The following AFF2 variants were observed in gnomAD, a reference collection of about 807,000 sequenced individuals.
The protein encoded by AFF2 is AF4/FMR2 family member 2.
A neutral mutation model predicts 76.9 loss-of-function variants in AFF2; 14 were observed. The ratio of observed to expected loss-of-function variants is 0.18; its 90% CI spans 0.12 to 0.28. AFF2 has a LOEUF of 0.28. Ranked by LOEUF, AFF2 falls within the 10% of genes least tolerant of loss-of-function variation. The pLI, the probability that AFF2 is intolerant of heterozygous loss-of-function variation, is 1.00. For missense variants in AFF2, 868 were observed against 1,001.1 expected, an observed-to-expected ratio of 0.87 and a Z score of 1.79; for synonymous variants, 398 against 366.7, an observed-to-expected ratio of 1.09 and a Z score of -0.98.
intron 2 of AFF2, among the ~76,000 whole-genome samples, chrX:148,656,010 C>A (rs1351585892): frequency 8.9e-6 from 1 of 112,070 alleles, no homozygotes; most frequent in Non-Finnish European, 1.9e-5. Context: ...TGTCCAATAG[C>A]GCCAGTGGTT....
intron 3 of AFF2, among the ~76,000 whole-genome samples, chrX:148,681,630 A>AAAGAG (rs1346604220): frequency 4.7e-5 from 5 of 106,570 alleles, no homozygotes; most frequent in Non-Finnish European, 9.6e-5. Context: ...AGAAAGAAAG[A>AAAGAG]AAGAGAAGAG....
intron 9 of AFF2, among the ~76,000 whole-genome samples, chrX:148,918,171 A>G (rs906328575): frequency 2.7e-5 from 3 of 112,480 alleles, no homozygotes; most frequent in Non-Finnish European, 3.8e-5. Context: ...TCATTCAGGC[A>G]GCACATTCAT....
At chrX:148,537,751 G>A (rs12834456) in intron 1 of AFF2, among the ~76,000 whole-genome samples, 5 of 110,725 alleles carry the variant, frequency 4.5e-5, no homozygotes, top group East Asian at 2.8e-4. Context: ...GAGCTGCTTC[G>A]TTTTGGGAGG....
chrX:148,953,464 C>T lies in AFF2; in HGVS notation c.1398-116C>T, dbSNP rs142726318. The T allele has an allele frequency of 5.8e-4, 478 of 819,274 alleles. 4 individuals are homozygous for T. The African/African-American group carries it at 8.2e-3, about 14-fold the overall frequency. The allele number at this position is 819,274 out of a possible 1,213,427, so 67.5% of individuals were successfully genotyped here. On this transcript the variant is annotated intron_variant, in intron 9 of 20. Transcript: ENST00000370460. ...ACGTTTCCTATCTATAAAATGGGAA[C>T]GGTAAACCCCACTCTACCTGCATTT...
intron 3 of AFF2, among the ~76,000 whole-genome samples, chrX:148,778,558 A>G (rs1233984816): frequency 2.7e-5 from 3 of 111,224 alleles, no homozygotes; most frequent in African/African-American, 6.5e-5. Context: ...TTATTGGTCT[A>G]TTCAGGGATT....
intron 3 of AFF2, among the ~76,000 whole-genome samples, chrX:148,744,148 C>T (rs1557265919): frequency 9.0e-6 from 1 of 110,555 alleles, no homozygotes. Context: ...ATACCTTCTA[C>T]CTCATCTCAT....
intron 3 of AFF2, among the ~76,000 whole-genome samples, chrX:148,764,680 T>C (rs1385779789): frequency 1.8e-5 from 2 of 112,314 alleles, no homozygotes; most frequent in Non-Finnish European, 3.8e-5. Context: ...ACATGCCTTA[T>C]AAAAATACAG....
chrX:148,672,827 CTT>C (rs2054439276), intron 3 of AFF2, among the ~76,000 whole-genome samples: 2 of 111,363 alleles, frequency 1.8e-5, no homozygotes, highest in African/African-American at 6.5e-5. Context: ...AGTGGGATGA[CTT>C]TATCAGAAAT....
At chrX:148,553,461 G>T (rs1054493783) in intron 1 of AFF2, among the ~76,000 whole-genome samples, 2 of 111,742 alleles carry the variant, frequency 1.8e-5, no homozygotes. Flanking sequence ...ATATTTTATA[G>T]TTACAACACA....
At chrX:148,713,391 G>A (rs1364144759) in intron 3 of AFF2, among the ~76,000 whole-genome samples, 1 of 111,601 alleles carries the variant, frequency 9.0e-6, no homozygotes, top group African/African-American at 3.3e-5. Context: ...TTCTCTTGAT[G>A]TGATATAGTA....
intron 9 of AFF2, among the ~76,000 whole-genome samples, chrX:148,950,293 A>T (rs1265302197): frequency 8.9e-6 from 1 of 112,300 alleles, no homozygotes; most frequent in Admixed American, 9.4e-5. Context: ...ATTCCTTAGC[A>T]GACTGGCTGC....
rs2055064678 is a variant in AFF2, at chrX:148,719,295, C to T, written c.1041+56527C>T. 54 of 857,974 alleles carry T rather than the reference C, an allele frequency of 6.3e-5. No homozygotes were observed. The South Asian group carries it at 1.2e-3, about 19-fold the overall frequency. The allele number at this position is 857,974 out of a possible 1,213,427, so 70.7% of individuals were successfully genotyped here. A position where few individuals can be genotyped will look rare whatever the true frequency, so the allele number is the denominator to read the frequency against. On this transcript the variant is annotated intron_variant, in intron 3 of 20. Transcript: ENST00000370460. ...GCCAAAGGCTTAACAAGTAGCTTTT[C>T]TCTCTCTTTACAAATGAGTCCTGAT...
At chrX:148,716,925 A>G (rs1260830191) in intron 3 of AFF2, among the ~76,000 whole-genome samples, 5 of 112,067 alleles carry the variant, frequency 4.5e-5, no homozygotes, top group African/African-American at 1.6e-4. Context: ...CAGATAATAA[A>G]TGATAAGCAC....
chrX:148,906,599 A>T (rs1569556885), intron 9 of AFF2, among the ~76,000 whole-genome samples: 1 of 112,171 alleles, frequency 8.9e-6, no homozygotes, highest in Non-Finnish European at 1.9e-5. Flanking sequence ...CTGAGAGCAC[A>T]GGGGGAGGGA....
At chrX:148,967,174 A>G in intron 14 of AFF2, 95 bp downstream of exon 14, 1 of 1,135,637 alleles carries the variant, frequency 8.8e-7, no homozygotes, top group African/African-American at 1.8e-5. Flanking sequence ...GTCACCCCAA[A>G]TAAGACCTCA....
intron 1 of AFF2, among the ~76,000 whole-genome samples, chrX:148,530,208 C>T (rs1483335343): frequency 9.0e-6 from 1 of 111,461 alleles, no homozygotes; most frequent in African/African-American, 3.3e-5. Context: ...AATGTTATAT[C>T]GCTACTGTTA....
chrX:148,990,656 A>C (rs1378457474), intron 20 of AFF2, among the ~76,000 whole-genome samples: 5 of 111,742 alleles, frequency 4.5e-5, no homozygotes, highest in Non-Finnish European at 9.4e-5. Flanking sequence ...AGTGACAGAT[A>C]CTTGCAGGCC....
chrX:148,866,705 T>A lies in AFF2; in HGVS notation c.1263-19184T>A, dbSNP rs184149828. 4.3e-3 allele frequency among the ~76,000 whole-genome samples: 488 copies of A among 112,788 alleles called. 4 individuals carry two copies. The highest frequency in any genetic ancestry group is 0.015 in the African/African-American group (465 of 31,100). On this transcript the variant is annotated intron_variant, in intron 7 of 20. Coordinates refer to ENST00000370460, the MANE Select transcript of AFF2 (RefSeq NM_002025.4). ...GAGCTATATGGAAGTATGCTTTAAG[T>A]TTCTGCAAATGCTTCTCTCTCTATA...
intron 1 of AFF2, among the ~76,000 whole-genome samples, chrX:148,609,129 C>A (rs1446817165): frequency 9.0e-6 from 1 of 111,124 alleles, no homozygotes; most frequent in Admixed American, 9.6e-5. Flanking sequence ...AGATACAAAT[C>A]CAGGGCTTAG....
Sources: gnomAD v4.1 joint callset for allele counts (sites outside exome capture counted in the v4.1 genomes callset) on GRCh38, gnomAD v4.1.1 for gene constraint, MANE v1.5 for transcripts, NCBI Gene and HGNC (gene_info 2026-07-23, HGNC 2026-07-21) for gene names.